Variants in EMSY observed in about 807,000 individuals in gnomAD.
EMSY encodes EMSY transcriptional repressor, BRCA2 interacting.
In EMSY, 26 loss-of-function variants were observed where a neutral mutation model predicts 134.6. That is an observed-to-expected ratio of 0.19 (90% confidence interval 0.14 to 0.27). EMSY has a LOEUF of 0.27. Among genes scored for constraint, EMSY ranks in the 10% least tolerant of loss-of-function variants. The pLI, the probability that EMSY is intolerant of heterozygous loss-of-function variation, is 1.00. For synonymous variants in EMSY, 579 were observed against 577.8 expected, an observed-to-expected ratio of 1.00 and a Z score of -0.03; for missense variants, 1,305 against 1,611.4, an observed-to-expected ratio of 0.81 and a Z score of 3.26.
At chr11:76,452,967 C>T (rs900826388) in intron 3 of EMSY, among the ~76,000 whole-genome samples, 3 of 152,136 alleles carry the variant, frequency 2.0e-5, no homozygotes, top group Admixed American at 6.5e-5. Flanking sequence ...ATTAGGAAGC[C>T]ATTCAGCATC....
Position 76,522,310 on chromosome 11 carries a change from A to G in EMSY, c.1685-845A>G, listed in dbSNP as rs527954183. On this transcript the variant is annotated intron_variant, in intron 11 of 20. Transcript: ENST00000334736. ...CCAGAGTGCTACAGATTACAAAAGC[A>G]TACATTGAATCTGTGACTTGTTTTG... Among the ~76,000 whole-genome samples the G allele has an allele frequency of 4.0e-5, 6 of 148,950 alleles. No homozygotes were observed. The East Asian group carries it at 1.2e-3, about 29-fold the overall frequency.
chr11:76,485,733 A>G (rs926798936), intron 8 of EMSY, among the ~76,000 whole-genome samples: 3 of 152,222 alleles, frequency 2.0e-5, no homozygotes, highest in East Asian at 1.9e-4. Flanking sequence ...AGGGTATTCA[A>G]TAAAGGGTAT....
intron 4 of EMSY, among the ~76,000 whole-genome samples, chr11:76,455,675 C>G (rs1947842950): frequency 6.6e-6 from 1 of 152,096 alleles, no homozygotes; most frequent in Non-Finnish European, 1.5e-5. Context: ...TATCTGGGAT[C>G]AAAGAAAAGC....
intron 8 of EMSY, among the ~76,000 whole-genome samples, chr11:76,491,170 CTTTT>C (rs961186067): frequency 7.4e-6 from 1 of 135,064 alleles, no homozygotes; most frequent in African/African-American, 2.7e-5. Context: ...ATTTCTTCTT[CTTTT>C]TTCTTTTTTT....
At position 76,459,643 on chromosome 11, in the gene EMSY, C is replaced by T. The variant is rs78974812; in HGVS notation, c.422-293C>T. On this transcript the variant is annotated intron_variant, in intron 5 of 20. Coordinates refer to ENST00000334736, the Ensembl canonical transcript of EMSY. ...TCCTGCCATGAGTGAAAATTATTTTCATTTTTTCTCAGTATAATTTTAAAC... is the reference window on the plus strand; with the variant it reads ...TCCTGCCATGAGTGAAAATTATTTTTATTTTTTCTCAGTATAATTTTAAAC... 2,347 of 292,966 alleles carry T rather than the reference C, an allele frequency of 8.0e-3. 41 individuals carry two copies. The highest frequency in any genetic ancestry group is 0.048 in the East Asian group (780 of 16,134). 18.1% of individuals were successfully genotyped at this position (292,966 alleles called of 1,614,324 possible).
chr11:76,523,283 A>G, exon 12 of EMSY: 1 of 1,611,880 alleles, frequency 6.2e-7, no homozygotes, highest in Non-Finnish European at 8.5e-7. Context: ...AACGTTGCTA[A>G]ATGCTGGAGT....
intron 4 of EMSY, 63 bp from the exon 6 acceptor site, chr11:76,458,120 T>G: frequency 6.9e-7 from 1 of 1,454,700 alleles, no homozygotes; most frequent in Non-Finnish European, 9.3e-7. Flanking sequence ...TGTTTGAGCA[T>G]ATATGTTTGA....
At chr11:76,543,610 T>G (rs1237213103) in intron 18 of EMSY, among the ~76,000 whole-genome samples, 1 of 152,230 alleles carries the variant, frequency 6.6e-6, no homozygotes. Context: ...ACTTTGCCTT[T>G]CTACTGACAG....
intron 4 of EMSY, among the ~76,000 whole-genome samples, chr11:76,456,616 T>TGCA (rs2134975839): frequency 6.6e-6 from 1 of 152,204 alleles, no homozygotes; most frequent in East Asian, 1.9e-4. Flanking sequence ...CATTCTTTGT[T>TGCA]TCAAAAGTAG....
At chr11:76,549,967 G>A (rs2136926413) in exon 21 of EMSY, 1 of 1,610,650 alleles carries the variant, frequency 6.2e-7, no homozygotes. Context: ...TCCTCAGTAT[G>A]CTATTCCTTG....
chr11:76,544,557 A>C (rs780165176), exon 19 of EMSY: 81 of 1,613,876 alleles, frequency 5.0e-5, no homozygotes, highest in Non-Finnish European at 1.4e-5. Flanking sequence ...AGGCATCAAA[A>C]ACTCACCCCT....
intron 7 of EMSY, among the ~76,000 whole-genome samples, chr11:76,471,980 C>G (rs1378630636): frequency 6.6e-6 from 1 of 152,146 alleles, no homozygotes; most frequent in African/African-American, 2.4e-5. Flanking sequence ...CATATGTCAC[C>G]TTACTGAGAG....
chr11:76,538,778 C>T (rs576835751), intron 16 of EMSY, among the ~76,000 whole-genome samples: 6 of 152,008 alleles, frequency 3.9e-5, no homozygotes, highest in South Asian at 2.1e-4. Context: ...GCCAACATAG[C>T]GAAACCCCAT....
intron 20 of EMSY, among the ~76,000 whole-genome samples, chr11:76,546,523 G>T (rs1458219914): frequency 6.6e-6 from 1 of 152,138 alleles, no homozygotes; most frequent in Non-Finnish European, 1.5e-5. Flanking sequence ...TTGTCACCCA[G>T]CACACTGTAA....
chr11:76,550,156 A>C (rs754788747), exon 21 of EMSY: 3 of 1,576,368 alleles, frequency 1.9e-6, no homozygotes, highest in Non-Finnish European at 1.7e-6. Context: ...GTGTTTGGAC[A>C]CAATAGTGCA....
chr11:76,452,749 G>A (rs139997814), intron 3 of EMSY, among the ~76,000 whole-genome samples: 1 of 152,282 alleles, frequency 6.6e-6, no homozygotes, highest in Non-Finnish European at 1.5e-5. Context: ...ATAATGTAAT[G>A]TAGAAGATAT....
chr11:76,454,747 A>C lies in EMSY; in HGVS notation c.245+1359A>C, dbSNP rs1361576787. ...CTCCTTTTCCTTTTTTCCCCTTTAA[A>C]GAATGAATTTATCCTTATATTTGGG... On this transcript the variant is annotated intron_variant, in intron 4 of 20. Coordinates refer to ENST00000334736, the Ensembl canonical transcript of EMSY. 3.4e-6 allele frequency: 5 copies of C among 1,458,176 alleles called. No homozygotes were observed. The East Asian group carries it at 1.2e-4, about 36-fold the overall frequency. 90.3% of individuals were successfully genotyped at this position (1,458,176 alleles called of 1,614,324 possible). A position where few individuals can be genotyped will look rare whatever the true frequency, so the allele number is the denominator to read the frequency against.
intron 8 of EMSY, among the ~76,000 whole-genome samples, chr11:76,489,198 G>C (rs1181418720): frequency 6.6e-6 from 1 of 152,204 alleles, no homozygotes; most frequent in Non-Finnish European, 1.5e-5. Flanking sequence ...AGGCAACCAA[G>C]AGTGTATGCT....
intron 4 of EMSY, 141 bp downstream of exon 5, chr11:76,454,931 C>T (rs1250982822): frequency 1.6e-6 from 1 of 618,356 alleles, no homozygotes; most frequent in African/African-American, 1.9e-5. Context: ...TCCTCCCCCT[C>T]CTAATACTGC....
Sources: allele counts gnomAD v4.1 joint callset (sites outside exome capture counted in the v4.1 genomes callset), GRCh38; gene constraint gnomAD v4.1.1; transcripts MANE v1.5; gene names NCBI Gene and HGNC (gene_info 2026-07-23, HGNC 2026-07-21).